Variants in ST3GAL6 observed in about 807,000 individuals in gnomAD.
The protein encoded by ST3GAL6 is type 2 lactosamine alpha-2,3-sialyltransferase.
ST3GAL6 carries 31 observed loss-of-function variants against 40.5 expected under a neutral mutation model. The observed-to-expected ratio is 0.77, with a 90% confidence interval of 0.58 to 1.03. The LOEUF is 1.03. Among genes scored for constraint, ST3GAL6 ranks in the 50% least tolerant of loss-of-function variants. The probability of loss-of-function intolerance (pLI) is 0.00; values close to 1 mark genes in which losing one functional copy is unlikely to be tolerated. For synonymous variants in ST3GAL6, 129 were observed against 136.9 expected (o/e 0.94, Z 0.40); for missense variants, 357 against 393.2 (o/e 0.91, Z 0.78).
chr3:98,792,156 A>G (rs1011419447), intron 9 of ST3GAL6, among the ~76,000 whole-genome samples, 163 bp downstream of exon 9: 1 of 152,060 alleles, frequency 6.6e-6, no homozygotes, highest in Non-Finnish European at 1.5e-5. Context: ...TGTAACTAGA[A>G]CTCATGTCCA....
intron 8 of ST3GAL6, among the ~76,000 whole-genome samples, chr3:98,791,214 T>C (rs538080931): frequency 2.6e-5 from 4 of 152,324 alleles, no homozygotes; most frequent in Admixed American, 2.6e-4. Flanking sequence ...AAGAGGATGC[T>C]TGGTTTTTCT....
At chr3:98,781,868 G>T (rs114498120) in intron 5 of ST3GAL6, among the ~76,000 whole-genome samples, 1 of 152,216 alleles carries the variant, frequency 6.6e-6, no homozygotes, top group Non-Finnish European at 1.5e-5. Flanking sequence ...GCCTTCCCCA[G>T]TGCCCAGCCT....
chr3:98,774,512 T>C (rs1939329421), intron 5 of ST3GAL6, among the ~76,000 whole-genome samples: 1 of 152,250 alleles, frequency 6.6e-6, no homozygotes, highest in African/African-American at 2.4e-5. Context: ...ATTTTGTCAT[T>C]AAATAACCCC....
chr3:98,768,318 C>G (rs1466937466), intron 1 of ST3GAL6, 112 bp from the exon 2 acceptor site: 1 of 786,128 alleles, frequency 1.3e-6, no homozygotes, highest in Non-Finnish European at 2.2e-6. Context: ...TCATTTTTTT[C>G]TATAGTTCCT....
Position 98,773,907 on chromosome 3 carries a change from A to G in ST3GAL6, c.272-13A>G. On this transcript the variant is annotated splice_polypyrimidine_tract_variant and intron_variant, in intron 4 of 9. Coordinates refer to ENST00000483910, the MANE Select transcript of ST3GAL6 (RefSeq NM_001323368.2). The stretch of plus-strand genomic sequence containing the variant: ...ATTATCCTTTTATTCATAACACTCC[A>G]TTTGTTTTCTAGCGGAATATTTTCG... 6.2e-7 allele frequency: 1 copy of G among 1,610,274 alleles called. No homozygotes were observed. The highest frequency in any genetic ancestry group is 1.7e-5 in the Admixed American group (1 of 59,952).
intron 1 of ST3GAL6, among the ~76,000 whole-genome samples, chr3:98,748,945 C>T (rs1936769605): frequency 6.6e-6 from 1 of 152,184 alleles, no homozygotes; most frequent in Non-Finnish European, 1.5e-5. Context: ...CACTTCCTGT[C>T]CTTCCCTATC....
intron 1 of ST3GAL6, among the ~76,000 whole-genome samples, chr3:98,757,274 T>TTAG (rs1245104753): frequency 6.6e-6 from 1 of 152,200 alleles, no homozygotes; most frequent in Non-Finnish European, 1.5e-5. Context: ...ACATTATGCT[T>TTAG]TAGTAGTGCT....
At chr3:98,789,586 G>A (rs12490832) in intron 8 of ST3GAL6, among the ~76,000 whole-genome samples, 65,095 of 151,948 alleles carry the variant, frequency 0.43, 14,108 homozygotes, top group Non-Finnish European at 0.45. Context: ...AGCAGTACAT[G>A]TGTTTATAGG....
chr3:98,732,942 C>G, intron 1 of ST3GAL6: 1 of 1,511,766 alleles, frequency 6.6e-7, no homozygotes, highest in Non-Finnish European at 8.8e-7. Context: ...TGCGCCTCTG[C>G]GGTCGTCGCT....
chr3:98,756,489 C>A, intron 1 of ST3GAL6: 1 of 1,288,038 alleles, frequency 7.8e-7, no homozygotes, highest in East Asian at 5.6e-5. Context: ...TTCGCAAATT[C>A]TCCACCTTTG....
At chr3:98,765,543 C>T (rs1938235616) in intron 1 of ST3GAL6, among the ~76,000 whole-genome samples, 1 of 152,182 alleles carries the variant, frequency 6.6e-6, no homozygotes, top group Admixed American at 6.5e-5. Context: ...CAAAGTGAAA[C>T]ATTTGTCAAG....
At chr3:98,754,566 C>T (rs114280751) in intron 1 of ST3GAL6, among the ~76,000 whole-genome samples, 2,430 of 152,162 alleles carry the variant, frequency 0.016, 51 homozygotes, top group African/African-American at 0.055. Flanking sequence ...TGGCAGGGTT[C>T]GAGAGGATTG....
intron 1 of ST3GAL6, among the ~76,000 whole-genome samples, chr3:98,754,402 T>G (rs1559729575): frequency 6.6e-6 from 1 of 152,320 alleles, no homozygotes; most frequent in East Asian, 1.9e-4. Flanking sequence ...TACAAACTCA[T>G]AATAAAACTT....
chr3:98,759,169 C>T (rs547062185), upstream of ST3GAL6, among the ~76,000 whole-genome samples: 101 of 152,264 alleles, frequency 6.6e-4, no homozygotes, highest in Middle Eastern at 0.014. Flanking sequence ...CCAAGTACAG[C>T]GTGTGGGCTG....
At chr3:98,784,170 T>A (rs1940457377) in intron 5 of ST3GAL6, among the ~76,000 whole-genome samples, 1 of 152,244 alleles carries the variant, frequency 6.6e-6, no homozygotes, top group Admixed American at 6.5e-5. Context: ...CCTTCTGTGG[T>A]TTTGTTCCCT....
chr3:98,780,692 A>G (rs538349554), intron 5 of ST3GAL6, among the ~76,000 whole-genome samples: 5 of 152,254 alleles, frequency 3.3e-5, no homozygotes, highest in Admixed American at 2.6e-4. Flanking sequence ...TTCTTGGCTT[A>G]TAGGGTATGT....
chr3:98,747,885 G>A (rs1936685061), intron 1 of ST3GAL6, among the ~76,000 whole-genome samples: 2 of 152,132 alleles, frequency 1.3e-5, no homozygotes, highest in South Asian at 2.1e-4. Context: ...CATGATACTG[G>A]GAGGAGAGGA....
chr3:98,787,312 A>C (rs1473521416), intron 6 of ST3GAL6, among the ~76,000 whole-genome samples: 1 of 152,190 alleles, frequency 6.6e-6, no homozygotes, highest in Non-Finnish European at 1.5e-5. Context: ...TGTTCGTCTT[A>C]TATTACGTAG....
At chr3:98,772,688 A>T in intron 3 of ST3GAL6, 125 bp from the exon 4 acceptor site, 1 of 529,278 alleles carries the variant, frequency 1.9e-6, no homozygotes, top group Non-Finnish European at 3.3e-6. Flanking sequence ...AAAAAAAATT[A>T]TACATTTTTG....
Sources: allele counts gnomAD v4.1 joint callset (sites outside exome capture counted in the v4.1 genomes callset), GRCh38; gene constraint gnomAD v4.1.1; transcripts MANE v1.5; gene names NCBI Gene and HGNC (gene_info 2026-07-23, HGNC 2026-07-21).